Variants in ROBO2 observed in about 807,000 individuals in gnomAD.
ROBO2 encodes the protein roundabout guidance receptor 2.
Under a neutral mutation model 160.8 loss-of-function variants are expected in ROBO2, and 53 were observed. The observed-to-expected ratio is 0.33, with a 90% confidence interval of 0.26 to 0.41. The LOEUF (loss-of-function observed/expected upper bound fraction) is 0.41. ROBO2 is among the 10% of genes least tolerant of loss of function. The pLI, the probability that ROBO2 is intolerant of heterozygous loss-of-function variation, is 1.00. For synonymous variants in ROBO2, 664 were observed against 611.7 expected (o/e 1.09, Z -1.26); for missense variants, 1,577 against 1,722.4 (o/e 0.92, Z 1.49).
chr3:77,178,631 C>A (rs984573171), intron 2 of ROBO2, among the ~76,000 whole-genome samples: 1 of 151,944 alleles, frequency 6.6e-6, no homozygotes, highest in African/African-American at 2.4e-5. Context: ...GAATAAGTGT[C>A]ATTTTTTGAA....
At chr3:77,330,590 G>A (rs2065878084) in intron 2 of ROBO2, among the ~76,000 whole-genome samples, 4 of 152,184 alleles carry the variant, frequency 2.6e-5, no homozygotes, top group African/African-American at 9.7e-5. Flanking sequence ...TGAGCTGAGA[G>A]GGTGAAGTAA....
intron 2 of ROBO2, among the ~76,000 whole-genome samples, chr3:76,458,377 C>CCAA (rs36064761): frequency 0.045 from 6,847 of 152,152 alleles, 463 homozygotes; most frequent in African/African-American, 0.15. Flanking sequence ...ACTCCAGCTC[C>CCAA]CAAGTTCCTC....
At chr3:77,081,017 GA>G (rs1226113685) in intron 1 of ROBO2, among the ~76,000 whole-genome samples, 1 of 152,030 alleles carries the variant, frequency 6.6e-6, no homozygotes, top group Non-Finnish European at 1.5e-5. Flanking sequence ...GGAAAGATGA[GA>G]AAAATTTTGT....
intron 2 of ROBO2, among the ~76,000 whole-genome samples, chr3:76,167,834 A>T (rs2072895713): frequency 6.6e-6 from 1 of 152,190 alleles, no homozygotes; most frequent in African/African-American, 2.4e-5. Flanking sequence ...GTTGGAATGC[A>T]TAATTTGTTA....
intron 2 of ROBO2, among the ~76,000 whole-genome samples, chr3:76,939,145 T>C (rs1231521850): frequency 6.6e-6 from 1 of 152,124 alleles, no homozygotes; most frequent in East Asian, 1.9e-4. Context: ...TGACTCTGAG[T>C]AAGATATGTT....
intron 2 of ROBO2, among the ~76,000 whole-genome samples, chr3:76,206,440 A>G (rs998820090): frequency 6.8e-6 from 1 of 146,162 alleles, no homozygotes; most frequent in African/African-American, 2.4e-5. Flanking sequence ...TCAAATTTGA[A>G]TATGGAAAAT....
chr3:76,712,104 A>G (rs1396554908), intron 2 of ROBO2, among the ~76,000 whole-genome samples: 4 of 152,228 alleles, frequency 2.6e-5, no homozygotes, highest in Non-Finnish European at 5.9e-5. Context: ...ATAAAAATGA[A>G]TAAGAAAACA....
chr3:77,035,496 G>T (rs1364194472), upstream of ROBO2, among the ~76,000 whole-genome samples: 3 of 151,772 alleles, frequency 2.0e-5, no homozygotes, highest in Admixed American at 1.3e-4. Context: ...TTGAAAATAC[G>T]TGATTTTATT....
chr3:76,071,074 G>T (rs6788637), intron 2 of ROBO2, among the ~76,000 whole-genome samples: 85,104 of 151,958 alleles, frequency 0.56, 24,292 homozygotes, highest in Middle Eastern at 0.75. Context: ...AGATTTGATT[G>T]GTTCTCCTTC....
intron 2 of ROBO2, among the ~76,000 whole-genome samples, chr3:77,451,286 C>T (rs2081084677): frequency 1.3e-5 from 2 of 151,974 alleles, no homozygotes; most frequent in African/African-American, 2.4e-5. Context: ...GATCCCTATC[C>T]ATATAAAAAC....
chr3:76,395,925 C>A (rs1158200791), intron 2 of ROBO2, among the ~76,000 whole-genome samples: 12 of 152,270 alleles, frequency 7.9e-5, no homozygotes, highest in Admixed American at 7.8e-4. Context: ...CCTTCTGAAA[C>A]CATTCCAATC....
chr3:77,168,019 C>T lies in ROBO2; in HGVS notation c.388+69679C>T, dbSNP rs148142018. Among the ~76,000 whole-genome samples, 1,174 of 152,296 alleles carry T rather than the reference C, an allele frequency of 7.7e-3. 17 individuals are homozygous for T. Among genetic ancestry groups the T allele is most frequent in the African/African-American group, 0.027 (1,120 of 41,546 alleles). On this transcript the variant is annotated intron_variant, in intron 2 of 25. Transcript: ENST00000461745. ...AATTTAAATGAGAAAAAATAATGAA[C>T]TTAATGCATACCTTGAAAGAAGTGT...
At chr3:76,098,929 T>G (rs1447173379) in intron 2 of ROBO2, among the ~76,000 whole-genome samples, 4 of 152,208 alleles carry the variant, frequency 2.6e-5, no homozygotes, top group Non-Finnish European at 5.9e-5. Flanking sequence ...TATGAAAGCA[T>G]TAATTTCCTC....
chr3:76,199,594 A>G (rs181507987), intron 2 of ROBO2, among the ~76,000 whole-genome samples: 3 of 152,280 alleles, frequency 2.0e-5, no homozygotes, highest in East Asian at 1.9e-4. Context: ...TGGCCAGACC[A>G]TAAATAAAAA....
chr3:77,616,841 T>A (rs982239837), intron 21 of ROBO2, among the ~76,000 whole-genome samples: 5 of 152,286 alleles, frequency 3.3e-5, no homozygotes, highest in African/African-American at 1.2e-4. Context: ...ATACTCAAAA[T>A]TTTTTAAAAG....
At chr3:76,883,340 CTTAA>C (rs2073551578) in intron 2 of ROBO2, among the ~76,000 whole-genome samples, 1 of 152,070 alleles carries the variant, frequency 6.6e-6, no homozygotes, top group Admixed American at 6.5e-5. Context: ...GAAACCTATT[CTTAA>C]TTATTTAACA....
At chr3:76,404,187 C>T (rs1194024934) in intron 2 of ROBO2, among the ~76,000 whole-genome samples, 5 of 151,512 alleles carry the variant, frequency 3.3e-5, no homozygotes, top group African/African-American at 1.2e-4. Context: ...ATCACATTCA[C>T]ATAGAAGGAT....
intron 2 of ROBO2, among the ~76,000 whole-genome samples, chr3:75,981,564 T>G (rs1026194357): frequency 7.4e-6 from 1 of 134,636 alleles, no homozygotes; most frequent in African/African-American, 2.6e-5. Context: ...GTATTGATAT[T>G]ACACAAGTAC....
chr3:76,853,521 A>T (rs2069650315), intron 2 of ROBO2, among the ~76,000 whole-genome samples: 2 of 152,126 alleles, frequency 1.3e-5, no homozygotes, highest in Non-Finnish European at 1.5e-5. Flanking sequence ...CAATGTGATA[A>T]GTAAGTTTCC....
Sources: allele counts gnomAD v4.1 joint callset (sites outside exome capture counted in the v4.1 genomes callset), GRCh38; gene constraint gnomAD v4.1.1; transcripts MANE v1.5; gene names NCBI Gene and HGNC (gene_info 2026-07-23, HGNC 2026-07-21).